ALOX5: variants seen among roughly 807,000 people sequenced by gnomAD.
ALOX5 encodes arachidonate 5-lipoxygenase.
Under a neutral mutation model 87.9 loss-of-function variants are expected in ALOX5, and 64 were observed. The ratio of observed to expected loss-of-function variants is 0.73; its 90% CI spans 0.60 to 0.90. The LOEUF (loss-of-function observed/expected upper bound fraction) is 0.90. Among genes scored for constraint, ALOX5 ranks in the 40% least tolerant of loss-of-function variants. The probability of loss-of-function intolerance (pLI) is 0.00; values close to 1 mark genes in which losing one functional copy is unlikely to be tolerated. For missense variants in ALOX5, 822 were observed against 907.5 expected, an observed-to-expected ratio of 0.91 and a Z score of 1.21; for synonymous variants, 388 against 355.1, an observed-to-expected ratio of 1.09 and a Z score of -1.04.
intron 3 of ALOX5, among the ~76,000 whole-genome samples, chr10:45,398,754 A>G (rs1490356273): frequency 6.6e-6 from 1 of 152,226 alleles, no homozygotes; most frequent in African/African-American, 2.4e-5. Flanking sequence ...GCAAATCAAC[A>G]CCACAATGAG....
chr10:45,379,729 C>T (rs1839762473), intron 1 of ALOX5, among the ~76,000 whole-genome samples: 1 of 152,070 alleles, frequency 6.6e-6, no homozygotes, highest in African/African-American at 2.4e-5. Flanking sequence ...AGGATGGTGT[C>T]ATTTCATTTT....
chr10:45,407,391 CT>C (rs59337853), intron 3 of ALOX5, among the ~76,000 whole-genome samples: 19,526 of 145,470 alleles, frequency 0.13, 2,197 homozygotes, highest in African/African-American at 0.31. Context: ...TATCTTTTTC[CT>C]TTTTTTTTTT....
chr10:45,399,979 G>A (rs1289201056), intron 3 of ALOX5, among the ~76,000 whole-genome samples: 3 of 152,086 alleles, frequency 2.0e-5, no homozygotes, highest in Admixed American at 2.0e-4. Context: ...GAATAAAAAA[G>A]ACAGATAGTA....
At chr10:45,437,270 T>C (rs1842088084) in intron 7 of ALOX5, among the ~76,000 whole-genome samples, 1 of 152,170 alleles carries the variant, frequency 6.6e-6, no homozygotes, top group Non-Finnish European at 1.5e-5. Context: ...GGAGAATTGC[T>C]TGAACCTGGG....
intron 13 of ALOX5, 115 bp from the exon 14 acceptor site, chr10:45,445,393 A>G: frequency 7.8e-7 from 1 of 1,286,698 alleles, no homozygotes; most frequent in East Asian, 2.4e-5. Flanking sequence ...GGAGGTGAAT[A>G]GATGCTCCCT....
At position 45,414,952 on chromosome 10, in the gene ALOX5, T is replaced by A. The variant is rs568874310; in HGVS notation, c.554+2639T>A. On this transcript the variant is annotated intron_variant, in intron 4 of 13. Transcript: ENST00000374391. The stretch of plus-strand genomic sequence containing the variant: ...AGGAAACAACAGGTGCTGGAGAGGA[T>A]GTGGAGAAGTAGGAACACTTTTACA... 4.5e-3 allele frequency among the ~76,000 whole-genome samples: 683 copies of A among 152,356 alleles called. 8 individuals are homozygous for A. The highest frequency in any genetic ancestry group is 0.02 in the South Asian group (98 of 4,830).
Position 45,445,718 on chromosome 10 carries a change from A to G in ALOX5, c.*31A>G, listed in dbSNP as rs1423973757. ...CTGCCAGTCTCACTGTGGGAAGGCC[A>G]GCTGCCCCAGCCAGATGGACTCCAG... On this transcript the variant is annotated 3_prime_UTR_variant, in exon 14 of 14. Transcript: ENST00000374391. 1 of 1,591,220 alleles carries G rather than the reference A, an allele frequency of 6.3e-7. No individual in the cohort carries two copies. The highest frequency in any genetic ancestry group is 8.6e-7 in the Non-Finnish European group (1 of 1,163,036).
rs532174739 is a variant in ALOX5 at position 45,381,295 on chromosome 10, C to T, written c.151-1188C>T. 2.6e-5 allele frequency among the ~76,000 whole-genome samples: 4 copies of T among 152,400 alleles called. No individual in the cohort carries two copies. The South Asian group carries it at 8.3e-4, about 32-fold the overall frequency. ...CTTGGTCTCACTGTTCTCTGGGCATCACCATGCAGCTGTGAACTGCAAATG... is the reference window on the plus strand; with the variant it reads ...CTTGGTCTCACTGTTCTCTGGGCATTACCATGCAGCTGTGAACTGCAAATG... On this transcript the variant is annotated intron_variant, in intron 1 of 13. Coordinates refer to ENST00000374391, the MANE Select transcript of ALOX5 (RefSeq NM_000698.5).
At chr10:45,377,500 C>T (rs547180757) in intron 1 of ALOX5, among the ~76,000 whole-genome samples, 7 of 152,218 alleles carry the variant, frequency 4.6e-5, no homozygotes, top group South Asian at 2.1e-4. Flanking sequence ...CTCCCTCAAT[C>T]TCCGGCTCTC....
chr10:45,383,473 T>G (rs1839911528), intron 2 of ALOX5, among the ~76,000 whole-genome samples: 1 of 152,198 alleles, frequency 6.6e-6, no homozygotes, highest in Non-Finnish European at 1.5e-5. Context: ...TTGCTCTCAG[T>G]TTAAACCTGG....
At chr10:45,399,992 A>T (rs573794851) in intron 3 of ALOX5, among the ~76,000 whole-genome samples, 2 of 152,310 alleles carry the variant, frequency 1.3e-5, no homozygotes, top group African/African-American at 4.8e-5. Context: ...AGATAGTAAC[A>T]AGTGCTGCCA....
At chr10:45,400,207 C>G (rs1840651242) in intron 3 of ALOX5, among the ~76,000 whole-genome samples, 1 of 152,140 alleles carries the variant, frequency 6.6e-6, no homozygotes, top group Non-Finnish European at 1.5e-5. Context: ...CACCATTGTT[C>G]ACAATAGTCA....
At chr10:45,414,248 C>T (rs921860437) in intron 4 of ALOX5, among the ~76,000 whole-genome samples, 25 of 152,156 alleles carry the variant, frequency 1.6e-4, no homozygotes, top group Admixed American at 5.2e-4. Flanking sequence ...ACATATAGAC[C>T]AATGGAACAG....
chr10:45,409,940 A>G (rs749163628), intron 3 of ALOX5, among the ~76,000 whole-genome samples: 36 of 152,382 alleles, frequency 2.4e-4, no homozygotes, highest in Middle Eastern at 3.4e-3. Context: ...ATTTCTGCCC[A>G]TTGGTGCTGC....
chr10:45,442,396 C>T (rs1448755348), intron 9 of ALOX5, among the ~76,000 whole-genome samples: 2 of 152,228 alleles, frequency 1.3e-5, no homozygotes, highest in African/African-American at 4.8e-5. Flanking sequence ...CCACCGTGGA[C>T]CAATCTCTGG....
chr10:45,388,085 C>G (rs971130282), intron 2 of ALOX5, among the ~76,000 whole-genome samples: 3 of 152,164 alleles, frequency 2.0e-5, no homozygotes, highest in Admixed American at 1.3e-4. Flanking sequence ...TCACTCCCAC[C>G]CTAATACTGT....
Position 45,409,555 on chromosome 10 carries a change from TTCTC to T in ALOX5, c.432-2626_432-2623del, listed in dbSNP as rs201367701. On this transcript the variant is annotated intron_variant, in intron 3 of 13. Coordinates refer to ENST00000374391, the MANE Select transcript of ALOX5 (RefSeq NM_000698.5). ...TCTCTGTCTCTCTGTCTCTCTTGCTTTCTCTCTCTCTCTTTCTCTCTCTCTCTCT... is the reference window on the plus strand; with the variant it reads ...TCTCTGTCTCTCTGTCTCTCTTGCTTTCTCTCTCTTTCTCTCTCTCTCTCT... Among the ~76,000 whole-genome samples the T allele has an allele frequency of 3.5e-3, 483 of 137,384 alleles. 5 individuals carry two copies. The highest frequency in any genetic ancestry group is 0.011 in the African/African-American group (422 of 38,194). 90.1% of individuals were successfully genotyped at this position (137,384 alleles called of 152,430 possible). A position where few individuals can be genotyped will look rare whatever the true frequency, so the allele number is the denominator to read the frequency against.
chr10:45,380,900 C>T (rs1306340944), intron 1 of ALOX5, among the ~76,000 whole-genome samples: 1 of 152,180 alleles, frequency 6.6e-6, no homozygotes, highest in African/African-American at 2.4e-5. Flanking sequence ...CGAGATCGAG[C>T]CACTGCACTC....
At chr10:45,391,379 T>A (rs1255505206) in intron 2 of ALOX5, among the ~76,000 whole-genome samples, 3 of 152,094 alleles carry the variant, frequency 2.0e-5, no homozygotes, top group Non-Finnish European at 4.4e-5. Context: ...GCAGACGGAG[T>A]CTCATTCACT....
Sources: gnomAD v4.1 joint callset for allele counts (sites outside exome capture counted in the v4.1 genomes callset) on GRCh38, gnomAD v4.1.1 for gene constraint, MANE v1.5 for transcripts, NCBI Gene and HGNC (gene_info 2026-07-23, HGNC 2026-07-21) for gene names.